Variants in RARB observed in about 807,000 individuals in gnomAD.
RARB encodes HBV-activated protein.
A neutral mutation model predicts 51.9 loss-of-function variants in RARB; 17 were observed. That is an observed-to-expected ratio of 0.33 (90% CI 0.22 to 0.49). The LOEUF is 0.49. Among genes scored for constraint, RARB ranks in the 20% least tolerant of loss-of-function variants. The pLI is 0.99. For missense variants in RARB, 369 were observed against 550.8 expected (o/e 0.67, Z 3.30); for synonymous variants, 215 against 195.4 (o/e 1.10, Z -0.84).
chr3:25,255,967 C>T (rs114266842), intron 5 of RARB, among the ~76,000 whole-genome samples: 2,259 of 152,216 alleles, frequency 0.015, 15 homozygotes, highest in Non-Finnish European at 0.025. Context: ...TTAAAAGTGA[C>T]CTTTTCCCTC....
At chr3:24,905,372 A>C (rs1156444406) in intron 2 of RARB, among the ~76,000 whole-genome samples, 1 of 152,226 alleles carries the variant, frequency 6.6e-6, no homozygotes, top group Non-Finnish European at 1.5e-5. Context: ...TTTTCAGCAC[A>C]AGACAAAAAT....
intron 5 of RARB, among the ~76,000 whole-genome samples, chr3:25,265,082 G>C (rs2125408549): frequency 1.3e-5 from 2 of 152,198 alleles, no homozygotes; most frequent in South Asian, 4.1e-4. Context: ...CCTTGATCTT[G>C]GACTGCCCAG....
chr3:24,870,349 T>G (rs1702923874), intron 2 of RARB, among the ~76,000 whole-genome samples: 1 of 152,124 alleles, frequency 6.6e-6, no homozygotes, highest in African/African-American at 2.4e-5. Context: ...AGGGATTCTA[T>G]TTTTCCATAA....
At chr3:24,867,677 A>C (rs1452012298) in intron 2 of RARB, among the ~76,000 whole-genome samples, 1 of 152,122 alleles carries the variant, frequency 6.6e-6, no homozygotes, top group Non-Finnish European at 1.5e-5. Context: ...GAGTGTGCTC[A>C]GTGTTGAAGC....
At chr3:25,511,954 G>T (rs1227671814) in intron 3 of RARB, among the ~76,000 whole-genome samples, 1 of 152,192 alleles carries the variant, frequency 6.6e-6, no homozygotes, top group East Asian at 1.9e-4. Flanking sequence ...GCTGCTTAAA[G>T]CCTGGACTTA....
At chr3:25,287,339 T>G (rs1167113531) in intron 5 of RARB, among the ~76,000 whole-genome samples, 1 of 152,194 alleles carries the variant, frequency 6.6e-6, no homozygotes, top group African/African-American at 2.4e-5. Flanking sequence ...TTCCTATGTT[T>G]CCATATACAA....
chr3:24,907,395 G>T (rs1274394258), intron 2 of RARB, among the ~76,000 whole-genome samples: 1 of 152,212 alleles, frequency 6.6e-6, no homozygotes, highest in East Asian at 1.9e-4. Context: ...GATTAGAAAA[G>T]AGTTAGTTAC....
intron 5 of RARB, among the ~76,000 whole-genome samples, chr3:25,298,627 G>C (rs952945244): frequency 6.6e-6 from 1 of 152,132 alleles, no homozygotes; most frequent in Non-Finnish European, 1.5e-5. Flanking sequence ...TAGCTTTGGG[G>C]ATTCCAGCAA....
chr3:25,440,045 C>A (rs1708596376), intron 1 of RARB, among the ~76,000 whole-genome samples: 1 of 152,140 alleles, frequency 6.6e-6, no homozygotes, highest in African/African-American at 2.4e-5. Context: ...GAATCCATAA[C>A]ACCTCCCTTG....
chr3:25,456,660 A>AATATATATAT (rs59052323), intron 1 of RARB, among the ~76,000 whole-genome samples: 67 of 96,170 alleles, frequency 7.0e-4, no homozygotes, highest in East Asian at 4.9e-3. Flanking sequence ...GTGATATTTG[A>AATATATATAT]ATATATATAT....
At chr3:24,922,572 G>C (rs1695241010) in intron 2 of RARB, among the ~76,000 whole-genome samples, 1 of 152,276 alleles carries the variant, frequency 6.6e-6, no homozygotes. Flanking sequence ...CAGCCTGAAA[G>C]AGCTGGGATA....
chr3:25,175,891 A>G (rs775670655), intron 5 of RARB, among the ~76,000 whole-genome samples: 2 of 152,224 alleles, frequency 1.3e-5, no homozygotes, highest in Admixed American at 6.5e-5. Context: ...GACTATCCAG[A>G]GAAATGGACA....
intron 5 of RARB, among the ~76,000 whole-genome samples, chr3:25,256,423 T>C (rs1388348534): frequency 2.0e-5 from 3 of 152,106 alleles, no homozygotes; most frequent in Non-Finnish European, 4.4e-5. Context: ...TGTCCTAGAA[T>C]GCAAGAGAAG....
At chr3:25,270,985 T>C (rs906805388) in intron 5 of RARB, among the ~76,000 whole-genome samples, 1 of 152,206 alleles carries the variant, frequency 6.6e-6, no homozygotes, top group African/African-American at 2.4e-5. Flanking sequence ...AATCATACCA[T>C]CCCTTGACCA....
At chr3:24,871,575 C>T (rs180785490) in intron 2 of RARB, among the ~76,000 whole-genome samples, 309 of 152,278 alleles carry the variant, frequency 2.0e-3, no homozygotes, top group African/African-American at 7.0e-3. Context: ...TCAACATTTA[C>T]GTTCTTGGCT....
chr3:25,406,242 C>A (rs1405443898), intron 5 of RARB, among the ~76,000 whole-genome samples: 1 of 152,136 alleles, frequency 6.6e-6, no homozygotes, highest in Admixed American at 6.5e-5. Flanking sequence ...AGGAAGGGAT[C>A]GCTGTGAGTC....
At chr3:25,314,683 AT>A (rs1559354214) in intron 5 of RARB, among the ~76,000 whole-genome samples, 1 of 151,750 alleles carries the variant, frequency 6.6e-6, no homozygotes, top group Non-Finnish European at 1.5e-5. Context: ...TCATTTTTTA[AT>A]TTTTTAAAAT....
chr3:24,946,245 C>A (rs13098681), intron 2 of RARB, among the ~76,000 whole-genome samples: 67,750 of 129,516 alleles, frequency 0.52, 16,446 homozygotes, highest in East Asian at 0.67. Context: ...GCCTGGGGGA[C>A]AAAATGAGAC....
intron 2 of RARB, among the ~76,000 whole-genome samples, chr3:25,021,261 G>C (rs17015595): frequency 0.11 from 16,397 of 152,204 alleles, 1,043 homozygotes; most frequent in African/African-American, 0.16. Flanking sequence ...TGTAAGCATT[G>C]AATCTCCATC....
Sources: gnomAD v4.1 joint callset for allele counts (sites outside exome capture counted in the v4.1 genomes callset) on GRCh38, gnomAD v4.1.1 for gene constraint, MANE v1.5 for transcripts, NCBI Gene and HGNC (gene_info 2026-07-23, HGNC 2026-07-21) for gene names.